Variants in ABCA10 observed in about 807,000 individuals in gnomAD.
The protein encoded by ABCA10 is ATP-binding cassette sub-family A member 10.
A neutral mutation model predicts 187.5 loss-of-function variants in ABCA10; 169 were observed. The ratio of observed to expected loss-of-function variants is 0.90; its 90% CI spans 0.80 to 1.02. The LOEUF (loss-of-function observed/expected upper bound fraction) is 1.02. ABCA10 is among the 50% of genes least tolerant of loss of function. The pLI, the probability that ABCA10 is intolerant of heterozygous loss-of-function variation, is 0.00. For synonymous variants in ABCA10, 574 were observed against 601.8 expected, an observed-to-expected ratio of 0.95 and a Z score of 0.68; for missense variants, 1,727 against 1,812.4, an observed-to-expected ratio of 0.95 and a Z score of 0.86.
At chr17:69,209,577 T>C (rs1032523176) in intron 9 of ABCA10, among the ~76,000 whole-genome samples, 6 of 152,218 alleles carry the variant, frequency 3.9e-5, no homozygotes, top group Non-Finnish European at 7.4e-5. Flanking sequence ...CAGATGAACA[T>C]ACTAAAATAA....
At chr17:69,217,326 T>TG (rs1328801534) in intron 6 of ABCA10, among the ~76,000 whole-genome samples, 1 of 152,108 alleles carries the variant, frequency 6.6e-6, no homozygotes, top group Non-Finnish European at 1.5e-5. Flanking sequence ...GCCAAAACAT[T>TG]GTTGCTTTTG....
intron 9 of ABCA10, among the ~76,000 whole-genome samples, chr17:69,202,762 T>C (rs968867268): frequency 8.2e-6 from 1 of 122,658 alleles, no homozygotes; most frequent in African/African-American, 3.3e-5. Context: ...TAAAAATGGC[T>C]TGACAGTTAA....
Position 69,185,613 on chromosome 17 carries a change from G to A in ABCA10, c.2361C>T (p.Pro787=). 3.1e-6 allele frequency: 5 copies of A among 1,610,960 alleles called. No individual in the cohort carries two copies. Among genetic ancestry groups the A allele is most frequent in the Non-Finnish European group, 4.2e-6 (5 of 1,178,064 alleles). ...TATACATTATCTTCTCTAGAATGAT[G>A]GGGATAAAAGCAATTCCAAGTACTA... The part of the protein sequence containing the change: ...LLLVLGIAFI[P]IILEKIMYKV... The change falls in exon 20 of 39, where the codon CCC becomes CCT. Residue 787 remains proline (P), a synonymous_variant. Coordinates refer to ENST00000690296, the MANE Select transcript of ABCA10 (RefSeq NM_001377321.1).
chr17:69,200,518 G>A (rs1176388889), intron 10 of ABCA10, among the ~76,000 whole-genome samples: 1 of 152,156 alleles, frequency 6.6e-6, no homozygotes, highest in Non-Finnish European at 1.5e-5. Context: ...AGGGAAGTAT[G>A]CACTAAATTA....
intron 35 of ABCA10, 53 bp downstream of exon 35, chr17:69,152,309 A>C: frequency 6.3e-7 from 1 of 1,585,682 alleles, no homozygotes; most frequent in East Asian, 2.2e-5. Context: ...AGCAAACTGA[A>C]ACTCTCTCTA....
At chr17:69,201,353 G>C in intron 10 of ABCA10, 147 bp downstream of exon 10, 1 of 699,944 alleles carries the variant, frequency 1.4e-6, no homozygotes, top group Non-Finnish European at 2.1e-6. Flanking sequence ...TATTCACTTT[G>C]AAAATGGTGA....
upstream of ABCA10, among the ~76,000 whole-genome samples, chr17:69,231,426 A>G (rs142082020): frequency 3.2e-3 from 482 of 152,082 alleles, 2 homozygotes; most frequent in Non-Finnish European, 5.2e-3. Flanking sequence ...CCCTCTTAAA[A>G]CTGCTTTTGC....
intron 24 of ABCA10, 26 bp downstream of exon 24, chr17:69,174,581 G>A (rs764602992): frequency 2.2e-5 from 34 of 1,554,170 alleles, no homozygotes; most frequent in Non-Finnish European, 2.5e-5. Flanking sequence ...TATTATAATT[G>A]GCTTGTGGAA....
At chr17:69,232,795 T>G (rs1007402763), upstream of ABCA10, among the ~76,000 whole-genome samples, 1 of 152,162 alleles carries the variant, frequency 6.6e-6, no homozygotes, top group Non-Finnish European at 1.5e-5. Flanking sequence ...TCTTTATCTC[T>G]CCTTCATTTC....
At chr17:69,166,622 G>T (rs139809259) in intron 25 of ABCA10, among the ~76,000 whole-genome samples, 339 of 152,208 alleles carry the variant, frequency 2.2e-3, no homozygotes, top group African/African-American at 7.7e-3. Context: ...TAAATAAAAG[G>T]TTAAAGATCT....
At chr17:69,174,909 A>G (rs2074323773) in intron 23 of ABCA10, 132 bp from the exon 24 acceptor site, 1 of 721,112 alleles carries the variant, frequency 1.4e-6, no homozygotes, top group Admixed American at 3.6e-5. Flanking sequence ...GCATCCTCCT[A>G]AAAATCTAGC....
At chr17:69,193,724 A>G in intron 13 of ABCA10, 90 bp downstream of exon 13, 13 of 1,558,462 alleles carry the variant, frequency 8.3e-6, no homozygotes, top group Non-Finnish European at 1.0e-5. Context: ...AGCTTTACCT[A>G]TCAAAGAGTA....
At chr17:69,172,655 CA>C (rs1044002059) in intron 25 of ABCA10, among the ~76,000 whole-genome samples, 5 of 149,004 alleles carry the variant, frequency 3.4e-5, no homozygotes, top group Admixed American at 1.3e-4. Context: ...ACTTTCAAAC[CA>C]AAAAAAAGAA....
intron 22 of ABCA10, among the ~76,000 whole-genome samples, chr17:69,180,481 G>C (rs2074371493): frequency 6.6e-6 from 1 of 151,910 alleles, no homozygotes; most frequent in African/African-American, 2.4e-5. Flanking sequence ...AAGTCCTGGA[G>C]GATGTTAGGA....
intron 9 of ABCA10, among the ~76,000 whole-genome samples, chr17:69,211,458 T>G (rs1242574512): frequency 2.0e-5 from 3 of 150,900 alleles, no homozygotes; most frequent in African/African-American, 7.3e-5. Flanking sequence ...GTTATGCCCT[T>G]TCCTGGTTTT....
intron 10 of ABCA10, among the ~76,000 whole-genome samples, chr17:69,200,590 A>G (rs1262230878): frequency 1.3e-5 from 2 of 152,206 alleles, no homozygotes; most frequent in Non-Finnish European, 1.5e-5. Context: ...CTTTCAGTCA[A>G]TCAAACCAGT....
intron 22 of ABCA10, 183 bp from the exon 23 acceptor site, chr17:69,175,696 A>G: frequency 2.2e-6 from 1 of 457,478 alleles, no homozygotes; most frequent in South Asian, 2.9e-5. Flanking sequence ...GAACAGCATG[A>G]TATAAAAGAA....
At chr17:69,192,536 A>T in intron 16 of ABCA10, 27 bp downstream of exon 16, 1 of 1,561,406 alleles carries the variant, frequency 6.4e-7, no homozygotes. Flanking sequence ...ATGCTCATTT[A>T]AAAATAACTA....
intron 27 of ABCA10, among the ~76,000 whole-genome samples, chr17:69,158,924 AG>A (rs1301280332): frequency 2.6e-5 from 4 of 152,084 alleles, no homozygotes; most frequent in African/African-American, 9.7e-5. Context: ...TCATGTTGGA[AG>A]ACATAAAATG....
Sources: allele counts gnomAD v4.1 joint callset (sites outside exome capture counted in the v4.1 genomes callset), GRCh38; gene constraint gnomAD v4.1.1; transcripts MANE v1.5; gene names NCBI Gene and HGNC (gene_info 2026-07-23, HGNC 2026-07-21).